The following NEK11 variants were observed in gnomAD, a reference collection of about 807,000 sequenced individuals.
NEK11 encodes the protein NIMA related kinase 11.
A neutral mutation model predicts 80.7 loss-of-function variants in NEK11; 72 were observed. That is an observed-to-expected ratio of 0.89 (90% CI 0.74 to 1.08). NEK11 has a LOEUF of 1.08. Among genes scored for constraint, NEK11 ranks in the 50% least tolerant of loss-of-function variants. The pLI is 0.00. For synonymous variants in NEK11, 251 were observed against 260.7 expected (o/e 0.96, Z 0.36); for missense variants, 764 against 763.6 (o/e 1.00, Z -0.01).
chr3:131,240,379 C>T (rs1055498904), intron 15 of NEK11, among the ~76,000 whole-genome samples: 3 of 152,130 alleles, frequency 2.0e-5, no homozygotes, highest in Non-Finnish European at 2.9e-5. Flanking sequence ...TTGGACAGTA[C>T]GCCACAACCA....
At chr3:131,244,023 C>A (rs909321289) in intron 16 of NEK11, among the ~76,000 whole-genome samples, 18 of 151,450 alleles carry the variant, frequency 1.2e-4, no homozygotes, top group South Asian at 6.3e-4. Context: ...TCTGAGAAGC[C>A]TAACTGAGAT....
At chr3:131,119,453 T>TG (rs1341438442) in intron 5 of NEK11, among the ~76,000 whole-genome samples, 1 of 152,166 alleles carries the variant, frequency 6.6e-6, no homozygotes. Flanking sequence ...TCCGTTGATT[T>TG]GGGGTGGAGA....
At chr3:131,027,772 T>G (rs2064110134) in intron 1 of NEK11, 158 bp from the exon 2 acceptor site, 1 of 135,452 alleles carries the variant, frequency 7.4e-6, no homozygotes, top group Non-Finnish European at 1.6e-5. Flanking sequence ...CAGGGCTGAG[T>G]CTGTGAGGGT....
At chr3:131,222,586 C>T (rs965900627) in intron 14 of NEK11, among the ~76,000 whole-genome samples, 16 of 152,114 alleles carry the variant, frequency 1.1e-4, no homozygotes, top group Non-Finnish European at 2.2e-4. Flanking sequence ...GTTTTTCTTA[C>T]GTTTATGTTT....
intron 9 of NEK11, among the ~76,000 whole-genome samples, chr3:131,154,066 G>T (rs142352411): frequency 7.9e-5 from 12 of 152,120 alleles, no homozygotes; most frequent in African/African-American, 2.9e-4. Flanking sequence ...AAATGGGAGG[G>T]TTCTTATGCA....
chr3:131,049,058 C>T (rs1244988866), intron 3 of NEK11, among the ~76,000 whole-genome samples: 1 of 152,118 alleles, frequency 6.6e-6, no homozygotes, highest in African/African-American at 2.4e-5. Flanking sequence ...ACTAGTATAG[C>T]CTTTTCTAAT....
At chr3:131,244,591 CTG>C (rs769169640) in intron 16 of NEK11, among the ~76,000 whole-genome samples, 27 of 152,128 alleles carry the variant, frequency 1.8e-4, no homozygotes, top group African/African-American at 6.3e-4. Flanking sequence ...GAGTCTAACA[CTG>C]TGTCTGGTGC....
At chr3:131,089,683 C>T (rs933861903) in intron 4 of NEK11, among the ~76,000 whole-genome samples, 2 of 152,182 alleles carry the variant, frequency 1.3e-5, no homozygotes, top group African/African-American at 4.8e-5. Context: ...AAGTGATCTG[C>T]CTGCCTTGGC....
chr3:131,101,767 GT>G (rs1490650362), intron 4 of NEK11, among the ~76,000 whole-genome samples: 1 of 152,082 alleles, frequency 6.6e-6, no homozygotes, highest in Non-Finnish European at 1.5e-5. Context: ...TAAGTCCATA[GT>G]TTCTTTGTTA....
intron 10 of NEK11, among the ~76,000 whole-genome samples, chr3:131,160,291 A>C (rs1359766393): frequency 6.6e-6 from 1 of 152,238 alleles, no homozygotes; most frequent in Non-Finnish European, 1.5e-5. Flanking sequence ...TCTTAAAGAA[A>C]AGAAATTCCA....
chr3:131,260,542 T>C (rs1356048897), intron 16 of NEK11, among the ~76,000 whole-genome samples: 4 of 152,168 alleles, frequency 2.6e-5, no homozygotes, highest in African/African-American at 9.7e-5. Flanking sequence ...CATTTACCTA[T>C]TGCCTATAGC....
chr3:131,180,873 A>G (rs1174020305), intron 14 of NEK11, among the ~76,000 whole-genome samples: 7 of 152,228 alleles, frequency 4.6e-5, no homozygotes, highest in Non-Finnish European at 1.0e-4. Flanking sequence ...TATAATATGT[A>G]AAATTCTATA....
At chr3:131,044,859 CA>C (rs1435459398) in intron 3 of NEK11, among the ~76,000 whole-genome samples, 1 of 152,082 alleles carries the variant, frequency 6.6e-6, no homozygotes, top group Non-Finnish European at 1.5e-5. Flanking sequence ...TAAAATCGAC[CA>C]CATAATTGGA....
Position 131,138,817 on chromosome 3 carries a change from T to C in NEK11, c.647+4861T>C, listed in dbSNP as rs531089373. 8.5e-5 allele frequency among the ~76,000 whole-genome samples: 13 copies of C among 152,302 alleles called. No individual in the cohort carries two copies. In the South Asian group the frequency reaches 2.7e-3, roughly 32 times the overall value. On this transcript the variant is annotated intron_variant, in intron 7 of 17. Coordinates refer to ENST00000383366, the MANE Select transcript of NEK11 (RefSeq NM_024800.5). ...TACAAGTCTGTAAGAACTACAGTGT[T>C]ACTGGGCTTGGGGTGGCCCCAATGC...
intron 14 of NEK11, among the ~76,000 whole-genome samples, chr3:131,225,669 C>G (rs2095171203): frequency 6.6e-6 from 1 of 152,008 alleles, no homozygotes; most frequent in Non-Finnish European, 1.5e-5. Flanking sequence ...GTTTTTATGC[C>G]AAAGCCAGCA....
At chr3:131,272,846 A>C (rs139327751) in intron 16 of NEK11, among the ~76,000 whole-genome samples, 1 of 152,160 alleles carries the variant, frequency 6.6e-6, no homozygotes, top group African/African-American at 2.4e-5. Flanking sequence ...CAGTTTCAAC[A>C]TGTTTTATAA....
chr3:131,049,158 T>C (rs1354108489), intron 3 of NEK11, among the ~76,000 whole-genome samples: 1 of 152,276 alleles, frequency 6.6e-6, no homozygotes, highest in Non-Finnish European at 1.5e-5. Flanking sequence ...AAACACATTT[T>C]AAATTTTCTC....
Position 131,135,550 on chromosome 3 carries a change from C to T in NEK11, c.647+1594C>T, listed in dbSNP as rs914746383. On this transcript the variant is annotated intron_variant, in intron 7 of 17. Coordinates refer to ENST00000383366, the MANE Select transcript of NEK11 (RefSeq NM_024800.5). ...AAAGCAAAAGTGATAGGATTCCTAC[C>T]TATCAAGAGAAATCTTGCTTCTTTT... is the stretch of plus-strand genomic sequence containing the variant. Among the ~76,000 whole-genome samples, 2 of 152,124 alleles carry T rather than the reference C, an allele frequency of 1.3e-5. 1 individual carries two copies. Among genetic ancestry groups the T allele is most frequent in the Middle Eastern group, 6.3e-3 (2 of 316 alleles).
At chr3:131,277,097 A>G (rs1037412351) in intron 17 of NEK11, among the ~76,000 whole-genome samples, 1 of 152,180 alleles carries the variant, frequency 6.6e-6, no homozygotes, top group Non-Finnish European at 1.5e-5. Flanking sequence ...CATAAGAAAT[A>G]TTGTTTGTCC....
Sources: allele counts gnomAD v4.1 joint callset (sites outside exome capture counted in the v4.1 genomes callset), GRCh38; gene constraint gnomAD v4.1.1; transcripts MANE v1.5; gene names NCBI Gene and HGNC (gene_info 2026-07-23, HGNC 2026-07-21).